FARP2: variants seen among roughly 807,000 people sequenced by gnomAD.
The protein encoded by FARP2 is FERM, ARH/RhoGEF and pleckstrin domain protein 2.
FARP2 carries 111 observed loss-of-function variants against 130.5 expected under a neutral mutation model. The observed-to-expected ratio is 0.85, with a 90% CI of 0.73 to 1.00. FARP2 has a LOEUF of 1.00. Among genes scored for constraint, FARP2 ranks in the 50% least tolerant of loss-of-function variants. The pLI is 0.00. For synonymous variants in FARP2, 504 were observed against 516.9 expected, an observed-to-expected ratio of 0.98 and a Z score of 0.34; for missense variants, 1,385 against 1,346.3, an observed-to-expected ratio of 1.03 and a Z score of -0.45.
chr2:241,428,845 G>C (rs1001189272), intron 8 of FARP2, among the ~76,000 whole-genome samples: 1 of 152,086 alleles, frequency 6.6e-6, no homozygotes, highest in Non-Finnish European at 1.5e-5. Context: ...CACCCATCAG[G>C]ATATTCCCTC....
intron 14 of FARP2, among the ~76,000 whole-genome samples, chr2:241,461,537 C>T (rs936758098): frequency 2.0e-5 from 3 of 152,232 alleles, no homozygotes; most frequent in African/African-American, 4.8e-5. Flanking sequence ...AGTGAGGCTG[C>T]GGCCTACTGT....
At chr2:241,445,228 G>C (rs748568717) in intron 13 of FARP2, 8 of 138,790 alleles carry the variant, frequency 5.8e-5, no homozygotes, top group Non-Finnish European at 1.2e-4. Flanking sequence ...CTGGGTGCTA[G>C]AGCGAGGCCC....
At chr2:241,453,124 G>GT (rs1363648254) in intron 13 of FARP2, among the ~76,000 whole-genome samples, 1 of 146,830 alleles carries the variant, frequency 6.8e-6, no homozygotes, top group Non-Finnish European at 1.5e-5. Flanking sequence ...GAGGTCAGGA[G>GT]TTTGAGACCA....
At position 241,427,773 on chromosome 2, in the gene FARP2, G is replaced by C. The variant is rs2062981448; in HGVS notation, c.772-3906G>C. Among the ~76,000 whole-genome samples, 3 of 151,446 alleles carry C rather than the reference G, an allele frequency of 2.0e-5. No individual in the cohort carries two copies. The South Asian group carries it at 6.3e-4, about 32-fold the overall frequency. ...CTCCGTGGCAGGCCCTCGGTTTTTT[G>C]TTTTGTTTTTGAGATGGAGTCTCAC... On this transcript the variant is annotated intron_variant, in intron 8 of 26. Coordinates refer to ENST00000264042, the MANE Select transcript of FARP2 (RefSeq NM_014808.4).
intron 2 of FARP2, among the ~76,000 whole-genome samples, chr2:241,389,325 GA>G (rs1398883435): frequency 6.6e-6 from 1 of 151,944 alleles, no homozygotes. Context: ...GACTTAAAAA[GA>G]AAAAAAGAAG....
intron 12 of FARP2, among the ~76,000 whole-genome samples, chr2:241,437,387 C>T (rs2063259574): frequency 6.6e-6 from 1 of 152,218 alleles, no homozygotes; most frequent in African/African-American, 2.4e-5. Flanking sequence ...TTCAGGTCTA[C>T]TTCACTACAG....
intron 8 of FARP2, among the ~76,000 whole-genome samples, chr2:241,428,401 AT>A (rs78380175): frequency 0.12 from 16,728 of 142,136 alleles, 1,113 homozygotes; most frequent in Non-Finnish European, 0.16. Context: ...TGTCCAGCTA[AT>A]TTTTTTTTTT....
chr2:241,480,065 T>C (rs1447123988), intron 19 of FARP2, among the ~76,000 whole-genome samples: 2 of 152,208 alleles, frequency 1.3e-5, no homozygotes, highest in Non-Finnish European at 2.9e-5. Context: ...CTTTCTCAGC[T>C]GGTTGTAGGG....
chr2:241,417,949 T>C lies in FARP2; in HGVS notation c.624-13T>C. ...GTGTTTGTAGTGTATGATTCTACCATTTTTTATTACAGGGGCCAGACACCT... is the reference window on the plus strand; with the variant it reads ...GTGTTTGTAGTGTATGATTCTACCACTTTTTATTACAGGGGCCAGACACCT... On this transcript the variant is annotated splice_polypyrimidine_tract_variant and intron_variant, in intron 7 of 26. Coordinates refer to ENST00000264042, the MANE Select transcript of FARP2 (RefSeq NM_014808.4). 6.2e-7 allele frequency: 1 copy of C among 1,613,918 alleles called. No homozygotes were observed. Among genetic ancestry groups the C allele is most frequent in the Non-Finnish European group, 8.5e-7 (1 of 1,179,838 alleles).
chr2:241,434,972 C>T lies in FARP2; in HGVS notation c.1042C>T (p.Gln348Ter), dbSNP rs766813957. The change falls in exon 11 of 27, where the codon CAG becomes TAG. Residue 348 changes from glutamine (Q) to a stop codon, truncating the protein, a stop_gained. Transcript: ENST00000264042. LOFTEE classifies it high-confidence loss of function. ...GSSFRYSGRT[Q>*]KQLVDYFKDS... ...AATCTTTATTCACAGTGGAAGAACT[C>T]AGAAACAACTAGTAGATTATTTCAA... The T allele has an allele frequency of 2.5e-6, 4 of 1,578,480 alleles. No individual in the cohort carries two copies. Among genetic ancestry groups the T allele is most frequent in the Non-Finnish European group, 3.5e-6 (4 of 1,151,858 alleles).
At chr2:241,457,680 G>C (rs373751853) in intron 14 of FARP2, among the ~76,000 whole-genome samples, 4 of 131,880 alleles carry the variant, frequency 3.0e-5, no homozygotes, top group East Asian at 2.4e-4. Flanking sequence ...AGTGTAGAAA[G>C]ATCTGGGTGC....
At chr2:241,404,731 T>C in intron 3 of FARP2, 68 bp from the exon 4 acceptor site, 1 of 1,259,760 alleles carries the variant, frequency 7.9e-7, no homozygotes, top group East Asian at 2.3e-5. Context: ...ATTTTTGTTT[T>C]TATAGCATAC....
At chr2:241,380,825 G>A (rs1288677591) in intron 2 of FARP2, among the ~76,000 whole-genome samples, 1 of 151,822 alleles carries the variant, frequency 6.6e-6, no homozygotes, top group Non-Finnish European at 1.5e-5. Context: ...TACATTCTTG[G>A]CCCAACTCCC....
intron 2 of FARP2, among the ~76,000 whole-genome samples, chr2:241,384,588 T>G (rs943945642): frequency 6.6e-6 from 1 of 152,250 alleles, no homozygotes; most frequent in Non-Finnish European, 1.5e-5. Context: ...ACATTCCTTC[T>G]TAATCTTCTG....
intron 14 of FARP2, among the ~76,000 whole-genome samples, chr2:241,462,070 G>A (rs370419988): frequency 6.6e-4 from 101 of 152,302 alleles, no homozygotes; most frequent in African/African-American, 2.3e-3. Flanking sequence ...AACTGGGCCC[G>A]GGGTATGTTC....
At chr2:241,479,286 T>C (rs956093910) in intron 19 of FARP2, among the ~76,000 whole-genome samples, 1 of 152,222 alleles carries the variant, frequency 6.6e-6, no homozygotes, top group African/African-American at 2.4e-5. Context: ...CCGAAGATCA[T>C]GTAAAGGACA....
intron 13 of FARP2, chr2:241,446,320 G>A (rs1294861194): frequency 6.6e-6 from 1 of 152,016 alleles, no homozygotes; most frequent in African/African-American, 2.4e-5. Context: ...ATGATTGAGG[G>A]ATGGACAATA....
At chr2:241,418,479 T>G (rs964684257) in intron 8 of FARP2, among the ~76,000 whole-genome samples, 3 of 147,664 alleles carry the variant, frequency 2.0e-5, no homozygotes, top group Non-Finnish European at 3.0e-5. Context: ...ACCCTGTTTT[T>G]TTTCCAGTGG....
rs575354554 is a variant in FARP2 at position 241,494,355 on chromosome 2, T to G, written c.*230T>G. ...TGGGGCCCTGGGAAAAATGTGCGAG[T>G]CTTGAGCGCGGAGCCGCTCAAGCCA... On this transcript the variant is annotated 3_prime_UTR_variant, in exon 27 of 27. Coordinates refer to ENST00000264042, the MANE Select transcript of FARP2 (RefSeq NM_014808.4). This position sits in a 1 kb window ranked among gnomAD's most constrained non-coding sequence, Gnocchi z 4.9. 4 of 351,858 alleles carry G rather than the reference T, an allele frequency of 1.1e-5. No individual in the cohort carries two copies. The highest frequency in any genetic ancestry group is 2.1e-5 in the Non-Finnish European group (4 of 192,846). 21.8% of individuals were successfully genotyped at this position (351,858 alleles called of 1,614,324 possible).
Sources: gnomAD v4.1 joint callset for allele counts (sites outside exome capture counted in the v4.1 genomes callset) on GRCh38, gnomAD v4.1.1 for gene constraint, Gnocchi (gnomAD v3.1) non-coding constraint, MANE v1.5 for transcripts, NCBI Gene and HGNC (gene_info 2026-07-23, HGNC 2026-07-21) for gene names.